Variants in UTRN observed in about 807,000 individuals in gnomAD.
UTRN encodes the protein dystrophin-related protein 1.
In UTRN, 283 loss-of-function variants were observed where a neutral mutation model predicts 463.9. The ratio of observed to expected loss-of-function variants is 0.61; its 90% CI spans 0.55 to 0.67. The LOEUF (loss-of-function observed/expected upper bound fraction) is 0.67, where lower values mean the gene tolerates loss of function less well. Ranked by LOEUF, UTRN falls within the 30% of genes least tolerant of loss-of-function variation. The pLI, the probability that UTRN is intolerant of heterozygous loss-of-function variation, is 0.00. For synonymous variants in UTRN, 1,442 were observed against 1,431.5 expected, an observed-to-expected ratio of 1.01 and a Z score of -0.17; for missense variants, 3,922 against 4,084.3, an observed-to-expected ratio of 0.96 and a Z score of 1.08.
chr6:144,490,172 A>G lies in UTRN; in HGVS notation c.4236A>G (p.Arg1412=). The G allele has an allele frequency of 6.2e-7, 1 of 1,612,514 alleles. No individual in the cohort carries two copies. The highest frequency in any genetic ancestry group is 1.1e-5 in the South Asian group (1 of 90,870). ...PLTSPESRTA[R]GGSQMDVLQR... Reference sequence around the variant, plus strand: ...CCTCCCCAGAGAGTAGGACTGCCAGAGGAGGAAGTCAGATGGATGTGCTAC... The same window carrying G: ...CCTCCCCAGAGAGTAGGACTGCCAGGGGAGGAAGTCAGATGGATGTGCTAC... The change falls in exon 31 of 75, where the codon AGA becomes AGG. Residue 1412 remains arginine (R), a synonymous_variant. Transcript: ENST00000367545.
chr6:144,487,606 G>A lies in UTRN; in HGVS notation c.3881G>A (p.Gly1294Asp), dbSNP rs1792594481. ...ADNRTQIREL[G>D]QTLIDGGILD... Reference sequence around the variant, plus strand: ...AATCGCACCCAGATTCGAGAGCTTGGCCAGACTCTGATTGATGGGGGGATC... The same window carrying A: ...AATCGCACCCAGATTCGAGAGCTTGACCAGACTCTGATTGATGGGGGGATC... Residue 1294 changes from glycine to aspartate, a missense_variant, in exon 29 of 75, where the codon GGC becomes GAC. By Grantham distance (94) the Gly-to-Asp change is moderately conservative. This residue lies in a region of UTRN where 2,349 missense variants were observed against 2,303.8 expected (regional missense o/e 1.02). Transcript: ENST00000367545. The A allele has an allele frequency of 1.2e-6, 2 of 1,613,498 alleles. No homozygotes were observed. The highest frequency in any genetic ancestry group is 2.2e-5 in the South Asian group (2 of 91,010).
At chr6:144,540,184 T>C (rs935673274) in intron 45 of UTRN, among the ~76,000 whole-genome samples, 2 of 152,162 alleles carry the variant, frequency 1.3e-5, no homozygotes, top group African/African-American at 4.8e-5. Context: ...GGCATGTGAC[T>C]ACAAATACAA....
chr6:144,615,839 T>G (rs146192619), intron 51 of UTRN, among the ~76,000 whole-genome samples: 1 of 152,290 alleles, frequency 6.6e-6, no homozygotes, highest in East Asian at 1.9e-4. Context: ...AGTTCTCTGC[T>G]TGAAACAACC....
rs542618124 is a variant in UTRN, at chr6:144,359,897, T to G, written c.80-43226T>G. Among the ~76,000 whole-genome samples, 8 of 152,172 alleles carry G rather than the reference T, an allele frequency of 5.3e-5. No individual in the cohort carries two copies. In the South Asian group the frequency reaches 1.7e-3, roughly 31 times the overall value. On this transcript the variant is annotated intron_variant, in intron 2 of 74. Coordinates refer to ENST00000367545, the MANE Select transcript of UTRN (RefSeq NM_007124.3). Reference sequence around the variant, plus strand: ...TTTTTCCCAGTGTTGCTGCATAATATGAAACCTTCCAAAATTTGAATATAA... The same window carrying G: ...TTTTTCCCAGTGTTGCTGCATAATAGGAAACCTTCCAAAATTTGAATATAA...
At chr6:144,736,743 A>G (rs1456842421) in intron 54 of UTRN, among the ~76,000 whole-genome samples, 1 of 152,198 alleles carries the variant, frequency 6.6e-6, no homozygotes, top group Non-Finnish European at 1.5e-5. Flanking sequence ...AAGGCTGCAC[A>G]GCAATTTGTC....
At position 144,338,353 on chromosome 6, in the gene UTRN, A is replaced by G. The variant is rs567431793; in HGVS notation, c.79+46446A>G. Among the ~76,000 whole-genome samples the G allele has an allele frequency of 1.4e-4, 21 of 152,286 alleles. No homozygotes were observed. The South Asian group carries it at 4.4e-3, about 32-fold the overall frequency. Reference sequence around the variant, plus strand: ...AAATGGGTTAAAAAAAAAACCCGACATGCTCTTTGATTATTGGATAAGTTG... The same window carrying G: ...AAATGGGTTAAAAAAAAAACCCGACGTGCTCTTTGATTATTGGATAAGTTG... On this transcript the variant is annotated intron_variant, in intron 2 of 74. Coordinates refer to ENST00000367545, the MANE Select transcript of UTRN (RefSeq NM_007124.3).
intron 54 of UTRN, among the ~76,000 whole-genome samples, chr6:144,745,095 G>A (rs527672308): frequency 1.3e-5 from 2 of 152,178 alleles, no homozygotes; most frequent in African/African-American, 4.8e-5. Flanking sequence ...GTCCCTCACT[G>A]TGAGGGTCGT....
At chr6:144,314,583 C>T (rs921177508) in intron 2 of UTRN, among the ~76,000 whole-genome samples, 1 of 152,154 alleles carries the variant, frequency 6.6e-6, no homozygotes, top group African/African-American at 2.4e-5. Flanking sequence ...TTTCTTTTTC[C>T]CATTTCAGAA....
At chr6:144,487,076 C>A (rs912939674) in intron 28 of UTRN, among the ~76,000 whole-genome samples, 2 of 152,070 alleles carry the variant, frequency 1.3e-5, no homozygotes, top group African/African-American at 2.4e-5. Flanking sequence ...AAGTTGAGAT[C>A]ATTTTGCTTG....
chr6:144,845,705 A>G (rs1367810719), intron 73 of UTRN, among the ~76,000 whole-genome samples: 1 of 152,136 alleles, frequency 6.6e-6, no homozygotes, highest in African/African-American at 2.4e-5. Flanking sequence ...GTACTTAATA[A>G]TAATTCAACT....
At chr6:144,759,271 C>T (rs533994355) in intron 58 of UTRN, among the ~76,000 whole-genome samples, 6 of 152,036 alleles carry the variant, frequency 3.9e-5, no homozygotes, top group African/African-American at 9.6e-5. Context: ...AGAGGTCAGA[C>T]GCTGGTTAAG....
At chr6:144,807,297 A>T (rs1323744818) in intron 65 of UTRN, among the ~76,000 whole-genome samples, 1 of 152,134 alleles carries the variant, frequency 6.6e-6, no homozygotes, top group South Asian at 2.1e-4. Context: ...ATATCTGCTT[A>T]TGATTTATGG....
At chr6:144,321,918 C>G (rs1775683558) in intron 2 of UTRN, among the ~76,000 whole-genome samples, 1 of 152,108 alleles carries the variant, frequency 6.6e-6, no homozygotes, top group African/African-American at 2.4e-5. Flanking sequence ...TGCCTACATT[C>G]ACGCCTGGCT....
intron 41 of UTRN, 46 bp from the exon 42 acceptor site, chr6:144,531,006 C>A (rs371552588): frequency 1.4e-5 from 22 of 1,579,924 alleles, no homozygotes; most frequent in East Asian, 1.1e-4. Context: ...TTTAGGCAGT[C>A]CTGGAAAATT....
At chr6:144,638,773 T>G (rs919098550) in intron 51 of UTRN, among the ~76,000 whole-genome samples, 1 of 152,176 alleles carries the variant, frequency 6.6e-6, no homozygotes, top group East Asian at 1.9e-4. Flanking sequence ...GAGAGAATGA[T>G]ATATATTAAA....
chr6:144,531,171 T>A lies in UTRN; in HGVS notation c.6026T>A (p.Leu2009Gln). Residue 2009 changes from leucine to glutamine, a missense_variant, in exon 42 of 75, where the codon CTG becomes CAG. Around this residue, in one of 3 missense-constraint regions of UTRN, gnomAD observed 2,349 missense variants for 2,303.8 expected, o/e 1.02. Transcript: ENST00000367545. ...LVDTCAPGGSLDLEKARIHQQ... is the reference protein window; with the variant it reads ...LVDTCAPGGSQDLEKARIHQQ... ...GATACCTGTGCTCCAGGTGGCAGCCTGGACTTAGAGAAAGCCAGGATACAT... is the reference window on the plus strand; with the variant it reads ...GATACCTGTGCTCCAGGTGGCAGCCAGGACTTAGAGAAAGCCAGGATACAT... The A allele has an allele frequency of 6.2e-7, 1 of 1,613,920 alleles. No individual in the cohort carries two copies.
intron 2 of UTRN, among the ~76,000 whole-genome samples, chr6:144,298,112 AT>A (rs150044264): frequency 2.0e-5 from 3 of 151,576 alleles, no homozygotes; most frequent in East Asian, 1.9e-4. Flanking sequence ...CATTGGCTGG[AT>A]TTTTTTTTCT....
At chr6:144,373,310 T>C (rs1464014853) in intron 2 of UTRN, among the ~76,000 whole-genome samples, 1 of 152,188 alleles carries the variant, frequency 6.6e-6, no homozygotes, top group East Asian at 1.9e-4. Context: ...ATATGGTCAT[T>C]TCATATAATG....
intron 51 of UTRN, among the ~76,000 whole-genome samples, chr6:144,665,316 A>G (rs2128674918): frequency 6.6e-6 from 1 of 152,274 alleles, no homozygotes; most frequent in Non-Finnish European, 1.5e-5. Flanking sequence ...ATGTGAGGAA[A>G]TATTTTTGCT....
Sources: gnomAD v4.1 joint callset for allele counts (sites outside exome capture counted in the v4.1 genomes callset) on GRCh38, gnomAD v4.1.1 for gene constraint, gnomAD v4.1.1 regional missense constraint, MANE v1.5 for transcripts, NCBI Gene and HGNC (gene_info 2026-07-23, HGNC 2026-07-21) for gene names.